CCT2: variants seen among roughly 807,000 people sequenced by gnomAD.
The protein encoded by CCT2 is T-complex protein 1 subunit beta.
In CCT2, 18 loss-of-function variants were observed where a neutral mutation model predicts 61.8. That is an observed-to-expected ratio of 0.29 (90% CI 0.20 to 0.43). CCT2 has a LOEUF of 0.43. CCT2 is among the 20% of genes least tolerant of loss of function. The probability of loss-of-function intolerance (pLI) is 1.00; values close to 1 mark genes in which losing one functional copy is unlikely to be tolerated. For synonymous variants in CCT2, 248 were observed against 215.9 expected (o/e 1.15, Z -1.30); for missense variants, 556 against 656.9 (o/e 0.85, Z 1.68).
intron 10 of CCT2, among the ~76,000 whole-genome samples, chr12:69,596,894 T>C (rs1209487334): frequency 6.6e-6 from 1 of 152,224 alleles, no homozygotes; most frequent in African/African-American, 2.4e-5. Flanking sequence ...AGTTAGGTCT[T>C]TGGATAGGAA....
intron 7 of CCT2, among the ~76,000 whole-genome samples, chr12:69,590,528 A>G (rs1881803797): frequency 6.6e-6 from 1 of 152,112 alleles, no homozygotes; most frequent in Non-Finnish European, 1.5e-5. Context: ...ATGGCCTGTC[A>G]AAAAGTATAG....
At chr12:69,585,668 G>C in intron 1 of CCT2, 144 bp downstream of exon 1, 3 of 1,525,090 alleles carry the variant, frequency 2.0e-6, no homozygotes, top group Non-Finnish European at 2.6e-6. Flanking sequence ...TGCGCGGGGC[G>C]TGCGGCCTGC....
intron 7 of CCT2, among the ~76,000 whole-genome samples, chr12:69,590,734 TGAGACG>T: frequency 6.8e-6 from 1 of 147,246 alleles, no homozygotes; most frequent in African/African-American, 2.5e-5. Flanking sequence ...TTTTTTTTTT[TGAGACG>T]GAGTCTGGCT....
chr12:69,585,883 G>A (rs1406105756), intron 1 of CCT2: 2 of 1,288,154 alleles, frequency 1.6e-6, no homozygotes, highest in Non-Finnish European at 2.0e-6. Flanking sequence ...AGAGGGTGGA[G>A]GGGCCGCAGC....
At position 69,588,384 on chromosome 12, in the gene CCT2, T is replaced by TC. The variant is rs1881729907; in HGVS notation, c.446+124dup. On this transcript the variant is annotated intron_variant, in intron 6 of 15. Transcript: ENST00000299300. ...AGATCATCTTGCTGCCTCACCCCAC[T>TC]CCAACAGTCAAACCTACATCAGCCT... The TC allele has an allele frequency of 2.2e-5, 15 of 695,510 alleles. 1 individual carries two copies. The South Asian group carries it at 2.3e-4, about 11-fold the overall frequency. 43.1% of individuals were successfully genotyped at this position (695,510 alleles called of 1,614,324 possible). A position where few individuals can be genotyped will look rare whatever the true frequency, so the allele number is the denominator to read the frequency against.
In CCT2 at chr12:69,598,352, T is replaced by A. The variant is rs1212936881; in HGVS notation, c.1366T>A (p.Tyr456Asn). The A allele has an allele frequency of 1.9e-6, 3 of 1,603,636 alleles. No individual in the cohort carries two copies. Among genetic ancestry groups the A allele is most frequent in the Non-Finnish European group, 2.6e-6 (3 of 1,175,684 alleles). Residue 456 changes from tyrosine to asparagine, a missense_variant, in exon 14 of 16, where the codon TAT becomes AAT. Around this residue, in one of 3 missense-constraint regions of CCT2, gnomAD observed 225 missense variants for 249.8 expected, o/e 0.90. Coordinates refer to ENST00000299300, the MANE Select transcript of CCT2 (RefSeq NM_006431.3). ...AACCATCATAGCTGACAATGCAGGCTATGACAGTGCAGACCTGGTGGCACA... is the reference window on the plus strand; with the variant it reads ...AACCATCATAGCTGACAATGCAGGCAATGACAGTGCAGACCTGGTGGCACA... The part of the protein sequence containing the change: ...LPTIIADNAG[Y>N]DSADLVAQLR...
rs1881850008 is a variant in CCT2, at chr12:69,592,059, G to C, written c.650G>C (p.Gly217Ala). ...GATACTGTTCTTATATTTATTGTAG[G>C]CTTCCTGTTGGATAAAAAAATTGGA... ...GSLADSYLDE[G>A]FLLDKKIGVN... Residue 217 changes from glycine (G) to alanine (A), a missense_variant and splice_region_variant, in exon 8 of 16, where the codon GGC (glycine) becomes GCC (alanine). Physicochemically the swap from Gly to Ala is moderately conservative, Grantham distance 60. Transcript: ENST00000299300. 5 of 1,546,558 alleles carry C rather than the reference G, an allele frequency of 3.2e-6. No individual in the cohort carries two copies. The highest frequency in any genetic ancestry group is 1.4e-5 in the African/African-American group (1 of 73,460).
intron 5 of CCT2, 67 bp from the exon 6 acceptor site, chr12:69,588,083 T>C: frequency 6.6e-7 from 1 of 1,525,504 alleles, no homozygotes; most frequent in Non-Finnish European, 9.1e-7. Flanking sequence ...ACTTCCTCTG[T>C]CTTTACTATT....
intron 6 of CCT2, chr12:69,589,270 G>T (rs1651392580): frequency 5.9e-6 from 3 of 510,974 alleles, no homozygotes; most frequent in East Asian, 6.4e-5. Flanking sequence ...TGCTTGTGTG[G>T]CCCCCACCCC....
chr12:69,590,707 T>TGTGTA (rs899019467), intron 7 of CCT2, among the ~76,000 whole-genome samples: 1 of 146,454 alleles, frequency 6.8e-6, no homozygotes, highest in African/African-American at 2.5e-5. Flanking sequence ...ATACAAGAGC[T>TGTGTA]GTGTAGCATT....
In CCT2 at chr12:69,588,140, T is replaced by G. The variant is rs1226081443; in HGVS notation, c.334-10T>G. The G allele has an allele frequency of 6.2e-7, 1 of 1,607,190 alleles. No individual in the cohort carries two copies. Among genetic ancestry groups the G allele is most frequent in the Non-Finnish European group, 8.5e-7 (1 of 1,174,462 alleles). ...TATTTATAACTTTTGTTTTATAACT[T>G]TATTAATAGGAAGCAGAATCTTTAA... On this transcript the variant is annotated splice_polypyrimidine_tract_variant and intron_variant, in intron 5 of 15. Coordinates refer to ENST00000299300, the MANE Select transcript of CCT2 (RefSeq NM_006431.3).
intron 10 of CCT2, among the ~76,000 whole-genome samples, chr12:69,594,028 T>TGG (rs1565800865): frequency 6.6e-6 from 1 of 151,540 alleles, no homozygotes; most frequent in African/African-American, 2.4e-5. Context: ...CCTAGCCACT[T>TGG]GGGGGGAGGC....
chr12:69,600,746 T>C (rs1224374699), intron 15 of CCT2, among the ~76,000 whole-genome samples: 1 of 152,234 alleles, frequency 6.6e-6, no homozygotes, highest in African/African-American at 2.4e-5. Context: ...CTTAAGCTTC[T>C]TCAGCTTCTC....
intron 14 of CCT2, among the ~76,000 whole-genome samples, chr12:69,599,276 G>T (rs780527379): frequency 6.6e-6 from 1 of 151,242 alleles, no homozygotes; most frequent in African/African-American, 2.4e-5. Context: ...TCTTAGAGAT[G>T]GGGGGGCAGT....
intron 6 of CCT2, 37 bp from the exon 7 acceptor site, chr12:69,589,448 G>A (rs760585869): frequency 3.3e-6 from 5 of 1,501,850 alleles, no homozygotes; most frequent in Non-Finnish European, 3.7e-6. Flanking sequence ...GAAAAGTAAA[G>A]TAGGGTTAAT....
intron 7 of CCT2, among the ~76,000 whole-genome samples, chr12:69,591,617 A>G (rs548244661): frequency 5.3e-5 from 8 of 152,304 alleles, no homozygotes; most frequent in African/African-American, 1.9e-4. Flanking sequence ...GTTTCAAAAT[A>G]CTGTTTAATT....
intron 1 of CCT2, chr12:69,585,999 T>G (rs911404449): frequency 5.2e-6 from 7 of 1,342,896 alleles, no homozygotes; most frequent in Middle Eastern, 2.8e-4. Flanking sequence ...AAGATCGTCT[T>G]TAGTCTCGCT....
chr12:69,586,623 G>A (rs1169454703), intron 2 of CCT2, 130 bp from the exon 3 acceptor site: 8 of 705,204 alleles, frequency 1.1e-5, no homozygotes, highest in East Asian at 2.6e-5. Context: ...AGCTGAGATC[G>A]CGCCATTGCA....
chr12:69,586,049 C>T, intron 1 of CCT2: 1 of 1,391,904 alleles, frequency 7.2e-7, no homozygotes. Context: ...AATTTATACT[C>T]CCGGGGGCCT....
Sources: gnomAD v4.1 joint callset for allele counts (sites outside exome capture counted in the v4.1 genomes callset) on GRCh38, gnomAD v4.1.1 for gene constraint, gnomAD v4.1.1 regional missense constraint, MANE v1.5 for transcripts, NCBI Gene and HGNC (gene_info 2026-07-23, HGNC 2026-07-21) for gene names.